The following AKNA variants were observed in gnomAD, a reference collection of about 807,000 sequenced individuals.
AKNA encodes the protein microtubule organization protein AKNA.
In AKNA, 67 loss-of-function variants were observed where a neutral mutation model predicts 138.8. The observed-to-expected ratio is 0.48, with a 90% CI of 0.40 to 0.59. The LOEUF (loss-of-function observed/expected upper bound fraction) is 0.59, where lower values mean the gene tolerates loss of function less well. AKNA is among the 20% of genes least tolerant of loss of function. The pLI, the probability that AKNA is intolerant of heterozygous loss-of-function variation, is 0.00. For missense variants in AKNA, 1,813 were observed against 1,880.4 expected, an observed-to-expected ratio of 0.96 and a Z score of 0.66; for synonymous variants, 737 against 754.4, an observed-to-expected ratio of 0.98 and a Z score of 0.38.
rs757632663 is a variant in AKNA, at chr9:114,362,433, C to A, written c.1889G>T (p.Gly630Val). 1 of 1,612,552 alleles carries A rather than the reference C, an allele frequency of 6.2e-7. No individual in the cohort carries two copies. The highest frequency in any genetic ancestry group is 8.5e-7 in the Non-Finnish European group (1 of 1,179,352). The change falls in exon 8 of 22, where the codon GGG (glycine) becomes GTG (valine). Residue 630 changes from glycine to valine, a missense_variant. Coordinates refer to ENST00000374088, the MANE Select transcript of AKNA (RefSeq NM_001317950.2). The stretch of plus-strand genomic sequence containing the variant: ...GCGAGGATCAAATCTTCCAGGCGTC[C>A]CCTTGGAGCCGGCAAGCGGCTGGGC... ...HPAQPLAGSK[G>V]TPGRFDPRRE...
chr9:114,379,828 C>T (rs73551565), intron 2 of AKNA, among the ~76,000 whole-genome samples: 27,431 of 152,134 alleles, frequency 0.18, 2,901 homozygotes, highest in Middle Eastern at 0.32. Context: ...GAAATGCCAA[C>T]GTTCCCATTG....
chr9:114,342,033 C>G lies in AKNA; in HGVS notation c.3850G>C (p.Asp1284His). The stretch of plus-strand genomic sequence containing the variant: ...CCAGAGGTGGCTGAGCCTGGACCAT[C>G]TGCCTCTGGGGGAGACCCAACTTGA... ...CGQVGSPPEA[D>H]GPGSATSGAE... is the part of the protein sequence containing the mutation. The change falls in exon 20 of 22, where the codon GAT becomes CAT. Residue 1284 changes from aspartate to histidine, a missense_variant. Coordinates refer to ENST00000374088, the MANE Select transcript of AKNA (RefSeq NM_001317950.2). The G allele has an allele frequency of 1.2e-6, 2 of 1,614,134 alleles. No homozygotes were observed. The highest frequency in any genetic ancestry group is 1.7e-6 in the Non-Finnish European group (2 of 1,179,984).
In AKNA at chr9:114,336,918, G is replaced by A. The variant is rs1830023692; in HGVS notation, c.*136C>T. The A allele has an allele frequency of 1.7e-6, 2 of 1,163,494 alleles. No homozygotes were observed. Among genetic ancestry groups the A allele is most frequent in the East Asian group, 5.6e-5 (2 of 35,414 alleles). The allele number at this position is 1,163,494 out of a possible 1,614,324, so 72.1% of individuals were successfully genotyped here. The stretch of plus-strand genomic sequence containing the variant: ...GGAAAGCACAGGGACTGAGCAGGCG[G>A]GACCTGTGCTGGAGGGAGACCCTCC... On this transcript the variant is annotated 3_prime_UTR_variant, in exon 22 of 22. Transcript: ENST00000374088.
chr9:114,364,401 G>A (rs920362704), intron 7 of AKNA, among the ~76,000 whole-genome samples, 159 bp downstream of exon 7: 4 of 152,106 alleles, frequency 2.6e-5, no homozygotes, highest in Non-Finnish European at 5.9e-5. Flanking sequence ...AATAATGATC[G>A]TTATCATGGG....
intron 15 of AKNA, among the ~76,000 whole-genome samples, chr9:114,350,353 T>C (rs1249724): frequency 0.13 from 19,592 of 151,602 alleles, 3,973 homozygotes; most frequent in African/African-American, 0.43. Flanking sequence ...CCAGCAAGGG[T>C]GTGTAAGTGA....
chr9:114,372,976 G>A (rs552761338), intron 4 of AKNA, among the ~76,000 whole-genome samples: 1 of 134,602 alleles, frequency 7.4e-6, no homozygotes, highest in African/African-American at 2.8e-5. Flanking sequence ...GGGGGGGGGG[G>A]GGTCCTGGTC....
chr9:114,367,933 T>C (rs1832487717), intron 5 of AKNA, among the ~76,000 whole-genome samples: 1 of 152,246 alleles, frequency 6.6e-6, no homozygotes, highest in African/African-American at 2.4e-5. Context: ...AGAGCTACGC[T>C]AGGCCTCTGG....
At chr9:114,385,276 CG>C (rs1833951227) in intron 1 of AKNA, among the ~76,000 whole-genome samples, 1 of 152,174 alleles carries the variant, frequency 6.6e-6, no homozygotes, top group Non-Finnish European at 1.5e-5. Context: ...ATCCTCTAAG[CG>C]TGCAGTTTCC....
At chr9:114,369,115 A>C (rs1832583718) in intron 4 of AKNA, among the ~76,000 whole-genome samples, 1 of 152,226 alleles carries the variant, frequency 6.6e-6, no homozygotes, top group African/African-American at 2.4e-5. Context: ...CCAGCAAGTA[A>C]ACAAACTAAT....
chr9:114,372,959 C>T lies in AKNA; in HGVS notation c.1416+1134G>A, dbSNP rs1052274521. Among the ~76,000 whole-genome samples, 27 of 21,746 alleles carry T rather than the reference C, an allele frequency of 1.2e-3. No homozygotes were observed. In the South Asian group the frequency reaches 0.017, roughly 14 times the overall value. The allele number at this position is 21,746 out of a possible 152,430, so 14.3% of individuals were successfully genotyped here. ...CTGTGCCAGGCAGCAGGTGTGGGGA[C>T]GCAGCGGGGGGGGGGGGGGTCCTGG... On this transcript the variant is annotated intron_variant, in intron 4 of 21. Coordinates refer to ENST00000374088, the MANE Select transcript of AKNA (RefSeq NM_001317950.2).
intron 21 of AKNA, 91 bp downstream of exon 21, chr9:114,341,442 C>A: frequency 1.3e-6 from 2 of 1,483,198 alleles, no homozygotes; most frequent in Non-Finnish European, 1.9e-6. Context: ...GAGGAGTATA[C>A]TGCATCTCAG....
downstream of AKNA, chr9:114,331,525 G>T: frequency 6.6e-7 from 1 of 1,510,264 alleles, no homozygotes; most frequent in Non-Finnish European, 9.2e-7. Flanking sequence ...GCACCATTGT[G>T]CCATCCCATG....
At chr9:114,351,888 C>G (rs10982177) in intron 14 of AKNA, among the ~76,000 whole-genome samples, 1 of 151,996 alleles carries the variant, frequency 6.6e-6, no homozygotes, top group South Asian at 2.1e-4. Flanking sequence ...GAATACTACT[C>G]AGCAATATAT....
chr9:114,381,327 T>C lies in AKNA; in HGVS notation c.7A>G (p.Ser3Gly). MA[S>G]SETEIRWAEP... ...GCCCAGCGGATCTCAGTCTCCGAGC[T>C]GGCCATTGGGGCTGGCCTGGGCTTC... Residue 3 changes from serine to glycine, a missense_variant, in exon 2 of 22, where the codon AGC (serine) becomes GGC (glycine). Transcript: ENST00000374088. 6.3e-7 allele frequency: 1 copy of C among 1,590,612 alleles called. No individual in the cohort carries two copies. Among genetic ancestry groups the C allele is most frequent in the South Asian group, 1.1e-5 (1 of 88,554 alleles).
upstream of AKNA, among the ~76,000 whole-genome samples, chr9:114,388,663 G>T (rs1305808971): frequency 6.6e-6 from 1 of 152,198 alleles, no homozygotes; most frequent in Admixed American, 6.5e-5. Flanking sequence ...CTGATGGTCA[G>T]TCGAGCTATC....
chr9:114,377,782 C>A lies in AKNA; in HGVS notation c.275-250G>T, dbSNP rs769345433. On this transcript the variant is annotated intron_variant, in intron 2 of 21. Transcript: ENST00000374088. ...CTCCAGTGTCTCCCATCTCAGCAGA[C>A]GGCAACACCATCCCCTCTATGCATA... 382 of 548,008 alleles carry A rather than the reference C, an allele frequency of 7.0e-4. 1 individual carries two copies. Among genetic ancestry groups the A allele is most frequent in the Non-Finnish European group, 1.5e-4 (48 of 313,118 alleles). The allele number at this position is 548,008 out of a possible 1,614,324, so 33.9% of individuals were successfully genotyped here.
At chr9:114,358,322 C>G (rs1831660488) in intron 11 of AKNA, 155 bp from the exon 12 acceptor site, 1 of 1,029,344 alleles carries the variant, frequency 9.7e-7, no homozygotes, top group African/African-American at 1.6e-5. Context: ...AGCTGTGTGA[C>G]CTAGGGCAAG....
chr9:114,360,349 A>T (rs1831857329), intron 9 of AKNA, among the ~76,000 whole-genome samples: 1 of 152,166 alleles, frequency 6.6e-6, no homozygotes. Flanking sequence ...TTTTATAGAC[A>T]GGTAACTCAC....
chr9:114,354,589 T>C (rs1463744917), intron 14 of AKNA, among the ~76,000 whole-genome samples: 1 of 151,554 alleles, frequency 6.6e-6, no homozygotes, highest in Non-Finnish European at 1.5e-5. Context: ...GGTGGGCGCC[T>C]GTAGTCCCAG....
Sources: allele counts gnomAD v4.1 joint callset (sites outside exome capture counted in the v4.1 genomes callset), GRCh38; gene constraint gnomAD v4.1.1; transcripts MANE v1.5; gene names NCBI Gene and HGNC (gene_info 2026-07-23, HGNC 2026-07-21).